THADA: variants seen among roughly 807,000 people sequenced by gnomAD.
THADA encodes the protein tRNA (32-2'-O)-methyltransferase regulator THADA.
In THADA, 213 loss-of-function variants were observed where a neutral mutation model predicts 219.8. That is an observed-to-expected ratio of 0.97 (90% confidence interval 0.87 to 1.09). The LOEUF (loss-of-function observed/expected upper bound fraction) is 1.09. Ranked by LOEUF, THADA falls within the 50% of genes least tolerant of loss-of-function variation. The probability of loss-of-function intolerance (pLI) is 0.00; values close to 1 mark genes in which losing one functional copy is unlikely to be tolerated. For missense variants in THADA, 2,956 were observed against 2,311.3 expected (o/e 1.28, Z -5.72); for synonymous variants, 1,018 against 828.9 (o/e 1.23, Z -3.92).
intron 20 of THADA, among the ~76,000 whole-genome samples, chr2:43,547,881 C>T (rs1280362012): frequency 2.0e-5 from 3 of 152,242 alleles, no homozygotes; most frequent in Admixed American, 6.5e-5. Context: ...AGTCATTCTG[C>T]GTCCAGCTTT....
At chr2:43,396,821 A>C (rs1456386898) in intron 29 of THADA, among the ~76,000 whole-genome samples, 1 of 152,136 alleles carries the variant, frequency 6.6e-6, no homozygotes, top group Non-Finnish European at 1.5e-5. Flanking sequence ...AAAAAAAAAG[A>C]AGAAAGAAAA....
At chr2:43,521,101 A>AGAGGGAAGG (rs1692400484) in intron 22 of THADA, among the ~76,000 whole-genome samples, 2 of 109,140 alleles carry the variant, frequency 1.8e-5, no homozygotes, top group African/African-American at 3.5e-5. Flanking sequence ...GGGAGGAAAG[A>AGAGGGAAGG]GAGGGAAGGG....
chr2:43,472,378 T>A (rs771749493), intron 26 of THADA, among the ~76,000 whole-genome samples: 1 of 152,224 alleles, frequency 6.6e-6, no homozygotes, highest in Non-Finnish European at 1.5e-5. Context: ...TACTTCACCA[T>A]TGAAACACTA....
intron 36 of THADA, among the ~76,000 whole-genome samples, chr2:43,245,811 G>A (rs958586476): frequency 1.3e-5 from 2 of 152,264 alleles, no homozygotes; most frequent in Admixed American, 1.3e-4. Context: ...TGGTGCAGAT[G>A]GTCCTGAGGT....
At chr2:43,581,307 G>A (rs1215777325) in intron 8 of THADA, among the ~76,000 whole-genome samples, 2 of 151,874 alleles carry the variant, frequency 1.3e-5, no homozygotes, top group Non-Finnish European at 2.9e-5. Flanking sequence ...CGGTAAGCAG[G>A]TTACTTGAGG....
chr2:43,587,681 C>T (rs905418913), intron 4 of THADA, among the ~76,000 whole-genome samples: 6 of 152,186 alleles, frequency 3.9e-5, no homozygotes, highest in Non-Finnish European at 8.8e-5. Flanking sequence ...TGTCCCCTTT[C>T]CTTCCTTCCC....
rs766584038 is a variant in THADA, at chr2:43,541,278, C to A, written c.3145G>T (p.Val1049Leu). 5 of 1,613,306 alleles carry A rather than the reference C, an allele frequency of 3.1e-6. No individual in the cohort carries two copies. The Admixed American group carries it at 8.3e-5, about 27-fold the overall frequency. ...VKTCDVTAQM[V>L]LVCCWRSMKE... ...ATACTTCTCCAACAACATACCAGCA[C>A]CATCTGCGCAGTTACATCACATGTT... Residue 1049 changes from valine (V) to leucine (L), a missense_variant, in exon 21 of 38, where the codon GTG becomes TTG. Coordinates refer to ENST00000405975, the MANE Select transcript of THADA (RefSeq NM_022065.5).
chr2:43,239,919 A>T (rs1668440969), intron 36 of THADA, among the ~76,000 whole-genome samples: 1 of 152,206 alleles, frequency 6.6e-6, no homozygotes, highest in Non-Finnish European at 1.5e-5. Context: ...TTTATTGATC[A>T]CCTGTGTGTG....
At chr2:43,248,164 T>TAGAGAG (rs70963389) in intron 36 of THADA, among the ~76,000 whole-genome samples, 14 of 40,932 alleles carry the variant, frequency 3.4e-4, no homozygotes, top group East Asian at 7.8e-4. Context: ...TATATATATA[T>TAGAGAG]AGAGAGAGAG....
At chr2:43,380,480 A>T (rs1282568744) in intron 29 of THADA, among the ~76,000 whole-genome samples, 1 of 152,252 alleles carries the variant, frequency 6.6e-6, no homozygotes, top group African/African-American at 2.4e-5. Flanking sequence ...GGAGAAAGCT[A>T]AAATGAACCA....
intron 1 of THADA, among the ~76,000 whole-genome samples, chr2:43,594,205 T>TA (rs1001414390): frequency 1.3e-5 from 2 of 152,030 alleles, no homozygotes; most frequent in Non-Finnish European, 2.9e-5. Context: ...GCAATCTCTT[T>TA]AAAAAAAACT....
chr2:43,479,644 A>C (rs1685948872), intron 26 of THADA, among the ~76,000 whole-genome samples: 1 of 152,128 alleles, frequency 6.6e-6, no homozygotes, highest in African/African-American at 2.4e-5. Context: ...TCTTGCTAGC[A>C]ACACTGATAT....
chr2:43,371,843 C>T (rs1670841194), intron 29 of THADA: 1 of 150,584 alleles, frequency 6.6e-6, no homozygotes, highest in African/African-American at 2.5e-5. Context: ...TTCTGGTGCA[C>T]TAAAAAAAAA....
At chr2:43,235,947 C>T (rs1326747038) in intron 36 of THADA, among the ~76,000 whole-genome samples, 1 of 152,120 alleles carries the variant, frequency 6.6e-6, no homozygotes, top group Non-Finnish European at 1.5e-5. Flanking sequence ...GCTGGGATTA[C>T]AGGCACCCGC....
At chr2:43,475,146 G>A (rs190501879) in intron 26 of THADA, among the ~76,000 whole-genome samples, 1 of 152,152 alleles carries the variant, frequency 6.6e-6, no homozygotes, top group Admixed American at 6.6e-5. Context: ...GCTGGGCATG[G>A]TGGCTCACAC....
intron 31 of THADA, among the ~76,000 whole-genome samples, chr2:43,293,946 C>T (rs1675049902): frequency 6.6e-6 from 1 of 152,198 alleles, no homozygotes; most frequent in Admixed American, 6.5e-5. Flanking sequence ...ATTACTTTCT[C>T]TGTTCTGAAC....
At chr2:43,400,922 G>A (rs1481602033) in intron 28 of THADA, among the ~76,000 whole-genome samples, 1 of 152,034 alleles carries the variant, frequency 6.6e-6, no homozygotes, top group Admixed American at 6.6e-5. Flanking sequence ...AAGGCAAAGA[G>A]GGTCTTTTTT....
intron 4 of THADA, among the ~76,000 whole-genome samples, chr2:43,588,315 G>T (rs1185498002): frequency 1.3e-5 from 2 of 150,434 alleles, no homozygotes; most frequent in African/African-American, 4.9e-5. Flanking sequence ...AATAGTATAA[G>T]GCCTGCAAAT....
Position 43,552,255 on chromosome 2 carries a change from A to G in THADA, c.2759T>C (p.Met920Thr), listed in dbSNP as rs757615234. 2 of 1,611,834 alleles carry G rather than the reference A, an allele frequency of 1.2e-6. No homozygotes were observed. The highest frequency in any genetic ancestry group is 1.1e-5 in the South Asian group (1 of 90,440). The change falls in exon 18 of 38, where the codon ATG becomes ACG. Residue 920 changes from methionine (M) to threonine (T), a missense_variant. Transcript: ENST00000405975. The stretch of plus-strand genomic sequence containing the variant: ...TGTTATACAGTGGACTCGCCCATAC[A>G]TTGGAAATGCTGCTGCTGCCTGAAG... ...SLLQAAAAFP[M>T]YGRVHCITGA... is the part of the protein sequence containing the mutation.
Sources: allele counts gnomAD v4.1 joint callset (sites outside exome capture counted in the v4.1 genomes callset), GRCh38; gene constraint gnomAD v4.1.1; transcripts MANE v1.5; gene names NCBI Gene and HGNC (gene_info 2026-07-23, HGNC 2026-07-21).